Variants in ADGRG1 observed in about 807,000 individuals in gnomAD.
ADGRG1 encodes adhesion G protein-coupled receptor G1.
A neutral mutation model predicts 73.5 loss-of-function variants in ADGRG1; 53 were observed. The ratio of observed to expected loss-of-function variants is 0.72; its 90% CI spans 0.58 to 0.91. The LOEUF is 0.91. Among genes scored for constraint, ADGRG1 ranks in the 40% least tolerant of loss-of-function variants. The pLI is 0.00. For missense variants in ADGRG1, 795 were observed against 871.8 expected, an observed-to-expected ratio of 0.91 and a Z score of 1.11; for synonymous variants, 394 against 374.4, an observed-to-expected ratio of 1.05 and a Z score of -0.60.
intron 1 of ADGRG1, chr16:57,639,840 C>CT: frequency 1.0e-6 from 1 of 954,310 alleles, no homozygotes; most frequent in South Asian, 4.8e-5. Flanking sequence ...GTGCATTCCC[C>CT]TTCTCCCCAG....
At chr16:57,646,454 TC>T (rs2042664828) in intron 1 of ADGRG1, 1 of 985,494 alleles carries the variant, frequency 1.0e-6, no homozygotes, top group Admixed American at 6.1e-5. Context: ...CCCCATTGTG[TC>T]AGACTGGACT....
In ADGRG1 at chr16:57,657,377, C is replaced by T. The variant is rs1442408420; in HGVS notation, c.1172C>T (p.Ser391Phe). Residue 391 changes from serine (S) to phenylalanine (F), a missense_variant, in exon 10 of 14, where the codon TCC becomes TTC. Ser to Phe is a radical substitution (Grantham distance 155). Transcript: ENST00000562631. Reference sequence around the variant, plus strand: ...TCTCCTGTCTCCTGGGGCCAGGTCTCCTCGGTGGAGGTGGACGCCGTGCAC... The same window carrying T: ...TCTCCTGTCTCCTGGGGCCAGGTCTTCTCGGTGGAGGTGGACGCCGTGCAC... ...HLTYFAVLMV[S>F]SVEVDAVHKH... 6.2e-7 allele frequency: 1 copy of T among 1,614,064 alleles called. No homozygotes were observed. Among genetic ancestry groups the T allele is most frequent in the South Asian group, 1.1e-5 (1 of 91,080 alleles).
chr16:57,659,316 GT>G, intron 10 of ADGRG1, 96 bp from the exon 11 acceptor site: 1 of 1,600,200 alleles, frequency 6.2e-7, no homozygotes, highest in South Asian at 1.1e-5. Flanking sequence ...GTGTGTCGGG[GT>G]GGGGGGCAGT....
chr16:57,643,587 G>A (rs3785324), intron 1 of ADGRG1: 102,684 of 984,296 alleles, frequency 0.1, 5,679 homozygotes, highest in East Asian at 0.15. Flanking sequence ...AGCAGGTCTG[G>A]TGTAAGAGTG....
Position 57,653,996 on chromosome 16 carries a change from A to G in ADGRG1, c.631A>G (p.Ser211Gly), listed in dbSNP as rs757807546. 1.9e-6 allele frequency: 3 copies of G among 1,613,860 alleles called. No individual in the cohort carries two copies. The South Asian group carries it at 3.3e-5, about 18-fold the overall frequency. Residue 211 changes from serine (S) to glycine (G), a missense_variant, in exon 5 of 14, where the codon AGC becomes GGC. By Grantham distance (56) the Ser-to-Gly change is moderately conservative (BLOSUM62 0). Transcript: ENST00000562631. ...TCTCCTCCCTGCCAGGCAGTTGCAG[A>G]GCCTGGAGTCGAAACTGACCTCTGT... ...SAAPASQQLQ[S>G]LESKLTSVRF...
chr16:57,651,833 G>T, intron 3 of ADGRG1: 1 of 1,453,282 alleles, frequency 6.9e-7, no homozygotes, highest in Non-Finnish European at 9.0e-7. Context: ...CGGCCCCACT[G>T]TCCCTTGATG....
upstream of ADGRG1, among the ~76,000 whole-genome samples, chr16:57,624,425 C>G (rs141736589): frequency 3.1e-3 from 472 of 152,216 alleles, 1 homozygote; most frequent in South Asian, 0.01. Context: ...CGTTTGAGCC[C>G]AGGAGATTGA....
At position 57,636,294 on chromosome 16, in the gene ADGRG1, C is replaced by T. The variant is rs1294125570; in HGVS notation, c.-36+7492C>T. The T allele has an allele frequency of 3.0e-6, 3 of 985,264 alleles. No homozygotes were observed. In the African/African-American group the frequency reaches 5.2e-5, roughly 17 times the overall value. 61.0% of individuals were successfully genotyped at this position (985,264 alleles called of 1,614,324 possible). On this transcript the variant is annotated intron_variant, in intron 1 of 13. Transcript: ENST00000562631. ...CAGATTCAGATGGAATCTCAGACAT[C>T]TTCTAATCCAGCAGCCATTAAAGCT...
chr16:57,651,146 T>TGCCTCTGGTCAGCCCCTGCCAC lies in ADGRG1; in HGVS notation c.65-52_65-31dup, dbSNP rs765226188. On this transcript the variant is annotated intron_variant, in intron 2 of 13. Coordinates refer to ENST00000562631, the MANE Select transcript of ADGRG1 (RefSeq NM_201525.4). The stretch of plus-strand genomic sequence containing the variant: ...TCAGCCTAGGTCCTGTCCCCTTCCA[T>TGCCTCTGGTCAGCCCCTGCCAC]GCCTCTGGTCAGCCCCTGCCACGGG... 29 of 1,611,144 alleles carry TGCCTCTGGTCAGCCCCTGCCAC rather than the reference T, an allele frequency of 1.8e-5. 1 individual carries two copies. In the Admixed American group the frequency reaches 4.2e-4, roughly 23 times the overall value.
At chr16:57,626,870 T>C (rs1180115689), upstream of ADGRG1, 7 of 979,470 alleles carry the variant, frequency 7.1e-6, no homozygotes, top group Non-Finnish European at 8.5e-6. Flanking sequence ...CAACCCATCC[T>C]CCCCTAGATA....
chr16:57,634,814 C>T (rs984808819), intron 1 of ADGRG1, among the ~76,000 whole-genome samples: 2 of 152,202 alleles, frequency 1.3e-5, no homozygotes, highest in Non-Finnish European at 2.9e-5. Context: ...TCCCACATTC[C>T]CCGGAGTCGC....
chr16:57,644,323 A>T, intron 1 of ADGRG1: 1 of 411,922 alleles, frequency 2.4e-6, no homozygotes, highest in Non-Finnish European at 3.3e-6. Flanking sequence ...ACACAAGGAC[A>T]TTCATGCATG....
chr16:57,642,244 G>C (rs1046630359), intron 1 of ADGRG1: 1 of 985,320 alleles, frequency 1.0e-6, no homozygotes, highest in Non-Finnish European at 1.2e-6. Context: ...TTTTCCCCAC[G>C]AGCTGGTGCT....
intron 1 of ADGRG1, chr16:57,639,746 C>T: frequency 1.2e-6 from 1 of 838,650 alleles, no homozygotes; most frequent in Non-Finnish European, 1.4e-6. Flanking sequence ...CCCCGCTTCT[C>T]CCCTGTCTTC....
chr16:57,647,388 G>GGCCTGT, intron 1 of ADGRG1: 1 of 984,236 alleles, frequency 1.0e-6, no homozygotes, highest in Non-Finnish European at 1.2e-6. Context: ...AGGGAGGAGG[G>GGCCTGT]GCCTGTGACA....
intron 1 of ADGRG1, chr16:57,632,301 G>T (rs2038175062): frequency 1.0e-6 from 1 of 985,448 alleles, no homozygotes; most frequent in Non-Finnish European, 1.2e-6. Context: ...AGACAGCAAG[G>T]GTGGCTTGCC....
At chr16:57,645,869 A>G (rs2042509960) in intron 1 of ADGRG1, 1 of 152,192 alleles carries the variant, frequency 6.6e-6, no homozygotes, top group South Asian at 2.1e-4. Flanking sequence ...ACATGCGTTA[A>G]TTTTGGCAAG....
In ADGRG1 at chr16:57,651,532, C is replaced by A; in HGVS notation, c.397C>A (p.Pro133Thr). The A allele has an allele frequency of 6.2e-7, 1 of 1,614,222 alleles. No individual in the cohort carries two copies. The highest frequency in any genetic ancestry group is 8.5e-7 in the Non-Finnish European group (1 of 1,180,040). Reference protein sequence around the residue: ...QHQEESLAQGPPLLATSVTSW... With the variant: ...QHQEESLAQGTPLLATSVTSW... ...CCAGGAGGAGAGCCTGGCTCAGGGC[C>A]CCCCGCTGTTAGCCACTTCTGTCAC... Residue 133 changes from proline (P) to threonine (T), a missense_variant, in exon 3 of 14, where the codon CCC becomes ACC. Physicochemically the swap from Pro to Thr is conservative, Grantham distance 38. Coordinates refer to ENST00000562631, the MANE Select transcript of ADGRG1 (RefSeq NM_201525.4).
At chr16:57,653,780 A>G in intron 4 of ADGRG1, 2 of 983,008 alleles carry the variant, frequency 2.0e-6, no homozygotes, top group Non-Finnish European at 2.4e-6. Flanking sequence ...ACCCCAGCTC[A>G]TTCTTTCTCT....
Sources: gnomAD v4.1 joint callset for allele counts (sites outside exome capture counted in the v4.1 genomes callset) on GRCh38, gnomAD v4.1.1 for gene constraint, MANE v1.5 for transcripts, NCBI Gene and HGNC (gene_info 2026-07-23, HGNC 2026-07-21) for gene names.